The following RREB1 variants were observed in gnomAD, a reference collection of about 807,000 sequenced individuals.
The protein encoded by RREB1 is ras-responsive element-binding protein 1.
Under a neutral mutation model 117.8 loss-of-function variants are expected in RREB1, and 27 were observed. The observed-to-expected ratio is 0.23, with a 90% CI of 0.17 to 0.32. The LOEUF (loss-of-function observed/expected upper bound fraction) is 0.32. Ranked by LOEUF, RREB1 falls within the 10% of genes least tolerant of loss-of-function variation. RREB1 has a pLI of 1.00. For missense variants in RREB1, 2,577 were observed against 2,378.2 expected (o/e 1.08, Z -1.74); for synonymous variants, 1,298 against 1,026.7 (o/e 1.26, Z -5.05).
chr6:7,165,851 GTTC>G (rs1404274206), intron 1 of RREB1, among the ~76,000 whole-genome samples: 23 of 151,960 alleles, frequency 1.5e-4, no homozygotes, highest in Admixed American at 1.5e-3. Flanking sequence ...TTTCCTTCCT[GTTC>G]TTTGTAACAT....
chr6:7,231,978 A>G, intron 10 of RREB1, 71 bp downstream of exon 10: 9 of 1,424,294 alleles, frequency 6.3e-6, no homozygotes, highest in Non-Finnish European at 8.6e-6. Context: ...GTGGGGGTCA[A>G]AAGCGAGACC....
chr6:7,174,210 C>A (rs1317866722), intron 1 of RREB1, among the ~76,000 whole-genome samples: 1 of 124,278 alleles, frequency 8.0e-6, no homozygotes, highest in African/African-American at 3.2e-5. Context: ...CTTAGAGTTT[C>A]TTCTAATAAC....
At chr6:7,147,000 G>A (rs1762896614) in intron 1 of RREB1, among the ~76,000 whole-genome samples, 1 of 152,138 alleles carries the variant, frequency 6.6e-6, no homozygotes, top group Non-Finnish European at 1.5e-5. Flanking sequence ...GTAGTTTATG[G>A]TCTCCAGTCT....
Position 7,248,916 on chromosome 6 carries a change from A to G in RREB1, c.5177A>G (p.His1726Arg). The change falls in exon 13 of 13, where the codon CAC (histidine) becomes CGC (arginine). Residue 1726 changes from histidine to arginine, a missense_variant. Coordinates refer to ENST00000379938, the MANE Select transcript of RREB1 (RefSeq NM_001003699.4). ...GAGCCGCGCAGCAAGAGGCCTGCCCACCCAATCCTGGCCACAGCTGATGGC... is the reference window on the plus strand; with the variant it reads ...GAGCCGCGCAGCAAGAGGCCTGCCCGCCCAATCCTGGCCACAGCTGATGGC... ...LLEPRSKRPA[H>R]PILATADGAS... The G allele has an allele frequency of 1.3e-6, 2 of 1,540,838 alleles. No homozygotes were observed. Among genetic ancestry groups the G allele is most frequent in the South Asian group, 2.4e-5 (2 of 82,474 alleles).
At chr6:7,111,624 C>A (rs759043243) in intron 1 of RREB1, among the ~76,000 whole-genome samples, 1 of 152,180 alleles carries the variant, frequency 6.6e-6, no homozygotes, top group African/African-American at 2.4e-5. Context: ...TCTGAATCTT[C>A]TATGTCCTTT....
chr6:7,126,234 T>TA (rs1761913061), intron 1 of RREB1, among the ~76,000 whole-genome samples: 1 of 152,092 alleles, frequency 6.6e-6, no homozygotes, highest in South Asian at 2.1e-4. Context: ...ACTGCTGACC[T>TA]CGTGATCCGC....
In RREB1 at chr6:7,229,871, AGATGAAGAC is replaced by A; in HGVS notation, c.1774_1782del (p.Met592_Thr594del). ...CGGGCGGAGCTGCCGGGCCAGCCTG[AGATGAAGAC>A]GCAGCTGGAGCAGGACAGCATCATC... is the stretch of plus-strand genomic sequence containing the variant. On this transcript the variant is annotated inframe_deletion, in exon 10 of 13. Coordinates refer to ENST00000379938, the MANE Select transcript of RREB1 (RefSeq NM_001003699.4). The surrounding 1 kb of genome is among the most constrained non-coding windows in gnomAD (Gnocchi z 4.5). 6.2e-7 allele frequency: 1 copy of A among 1,610,720 alleles called. No individual in the cohort carries two copies. Among genetic ancestry groups the A allele is most frequent in the Non-Finnish European group, 8.5e-7 (1 of 1,178,532 alleles).
chr6:7,249,537 G>A lies in RREB1; in HGVS notation c.*569G>A, dbSNP rs975045976. On this transcript the variant is annotated 3_prime_UTR_variant, in exon 13 of 13. Coordinates refer to ENST00000379938, the MANE Select transcript of RREB1 (RefSeq NM_001003699.4). ...TTTCTTTGTGCTTCATGGTGGAGCTGTCATCTGGTCCTTGGTATTACAGGA... is the reference window on the plus strand; with the variant it reads ...TTTCTTTGTGCTTCATGGTGGAGCTATCATCTGGTCCTTGGTATTACAGGA... 3.9e-5 allele frequency: 6 copies of A among 152,608 alleles called. No individual in the cohort carries two copies. The highest frequency in any genetic ancestry group is 1.4e-4 in the African/African-American group (6 of 41,426). 9.5% of individuals were successfully genotyped at this position (152,608 alleles called of 1,614,324 possible).
In RREB1 at chr6:7,228,413, G is replaced by A. The variant is rs929542349; in HGVS notation, c.898-584G>A. ...TGAGATACCCTGTGGGTTGATATCA[G>A]TTATCACGCAAACATGATTCTTAAG... On this transcript the variant is annotated intron_variant, in intron 9 of 12. Transcript: ENST00000379938. Among the ~76,000 whole-genome samples, 72 of 150,018 alleles carry A rather than the reference G, an allele frequency of 4.8e-4. 1 individual carries two copies. Among genetic ancestry groups the A allele is most frequent in the Admixed American group, 4.8e-3 (72 of 15,072 alleles).
At chr6:7,141,874 G>T (rs1217808557) in intron 1 of RREB1, among the ~76,000 whole-genome samples, 3 of 152,222 alleles carry the variant, frequency 2.0e-5, no homozygotes, top group African/African-American at 7.2e-5. Context: ...TCCGCAGAGG[G>T]CTGGATAATT....
At chr6:7,156,870 C>T (rs1461566157) in intron 1 of RREB1, among the ~76,000 whole-genome samples, 2 of 152,210 alleles carry the variant, frequency 1.3e-5, no homozygotes, top group African/African-American at 4.8e-5. Context: ...CAGAGTGCCA[C>T]TTGGCTGCTC....
In RREB1 at chr6:7,231,552, G is replaced by C. The variant is rs753367863; in HGVS notation, c.3453G>C (p.Lys1151Asn). The C allele has an allele frequency of 6.2e-7, 1 of 1,610,306 alleles. No homozygotes were observed. Among genetic ancestry groups the C allele is most frequent in the Non-Finnish European group, 8.5e-7 (1 of 1,178,658 alleles). Residue 1151 changes from lysine (K) to asparagine (N), a missense_variant, in exon 10 of 13, where the codon AAG becomes AAC. By Grantham distance (94) the Lys-to-Asn change is moderately conservative. Transcript: ENST00000379938. ...AGCAGGGCCCAGCGGGCACGTCGAA[G>C]AAGAGGGGCCGGAAAAGGGGGATGA... ...PTEQGPAGTS[K>N]KRGRKRGMRS...
Position 7,240,475 on chromosome 6 carries a change from C to G in RREB1, c.3846C>G (p.Phe1282Leu), listed in dbSNP as rs1561805018. 1 of 1,613,832 alleles carries G rather than the reference C, an allele frequency of 6.2e-7. No homozygotes were observed. The highest frequency in any genetic ancestry group is 8.5e-7 in the Non-Finnish European group (1 of 1,179,954). Reference protein sequence around the residue: ...KPFPCQKCDAFFSTKSNCERH... With the variant: ...KPFPCQKCDALFSTKSNCERH... ...TCCCTTGTCAAAAATGCGATGCCTT[C>G]TTTTCTACCAAATCTAACTGTGAAC... The change falls in exon 11 of 13, where the codon TTC (phenylalanine) becomes TTG (leucine). Residue 1282 changes from phenylalanine (F) to leucine (L), a missense_variant. Transcript: ENST00000379938.
In RREB1 at chr6:7,229,107, G is replaced by C. The variant is rs763554481; in HGVS notation, c.1008G>C (p.Gln336His). ...TCTGCTCACTGGCTCTGCACAAGCA[G>C]ACCCATGTGGCGGCAGACCAGGGTC... Reference protein sequence around the residue: ...PMLCSLALHKQTHVAADQGQE... With the variant: ...PMLCSLALHKHTHVAADQGQE... The change falls in exon 10 of 13, where the codon CAG becomes CAC. Residue 336 changes from glutamine to histidine, a missense_variant. Physicochemically the swap from Gln to His is conservative, Grantham distance 24. Coordinates refer to ENST00000379938, the MANE Select transcript of RREB1 (RefSeq NM_001003699.4). The surrounding 1 kb of genome is among the most constrained non-coding windows in gnomAD (Gnocchi z 4.5). The C allele has an allele frequency of 1.2e-6, 2 of 1,606,896 alleles. No individual in the cohort carries two copies. The highest frequency in any genetic ancestry group is 2.7e-5 in the African/African-American group (2 of 74,778).
intron 6 of RREB1, among the ~76,000 whole-genome samples, chr6:7,197,475 A>C (rs1765729749): frequency 6.6e-6 from 1 of 152,172 alleles, no homozygotes; most frequent in Admixed American, 6.5e-5. Context: ...ACTTGAGGAC[A>C]GGAGTTTGAG....
chr6:7,221,185 G>A (rs1188461517), intron 8 of RREB1, among the ~76,000 whole-genome samples: 48 of 150,304 alleles, frequency 3.2e-4, no homozygotes, highest in Non-Finnish European at 5.6e-4. Flanking sequence ...TTTTTGAGAC[G>A]GAGTCTCGCT....
chr6:7,190,085 T>C (rs1053064106), intron 6 of RREB1, among the ~76,000 whole-genome samples: 16 of 152,248 alleles, frequency 1.1e-4, no homozygotes, highest in Admixed American at 2.0e-4. Context: ...GCTAGTTATA[T>C]TTGGTTATAT....
chr6:7,246,895 G>T lies in RREB1; in HGVS notation c.4445G>T (p.Gly1482Val), dbSNP rs1303483520. 2 of 1,553,328 alleles carry T rather than the reference G, an allele frequency of 1.3e-6. No individual in the cohort carries two copies. The highest frequency in any genetic ancestry group is 1.7e-6 in the Non-Finnish European group (2 of 1,148,882). The change falls in exon 12 of 13, where the codon GGC (glycine) becomes GTC (valine). Residue 1482 changes from glycine to valine, a missense_variant. Transcript: ENST00000379938. ...RQEPKDEKGD[G>V]ASTAEEGPQP... ...GAGCCCAAGGACGAGAAGGGAGATG[G>T]CGCCAGCACTGCAGAGGAGGGGCCC...
intron 1 of RREB1, among the ~76,000 whole-genome samples, chr6:7,174,225 T>C (rs1197243868): frequency 1.3e-5 from 2 of 151,896 alleles, no homozygotes; most frequent in East Asian, 3.9e-4. Context: ...AATAACTCTT[T>C]TGTACTTTTC....
Sources: gnomAD v4.1 joint callset for allele counts (sites outside exome capture counted in the v4.1 genomes callset) on GRCh38, gnomAD v4.1.1 for gene constraint, Gnocchi (gnomAD v3.1) non-coding constraint, MANE v1.5 for transcripts, NCBI Gene and HGNC (gene_info 2026-07-23, HGNC 2026-07-21) for gene names.